Variants in R3HDM2 observed in about 807,000 individuals in gnomAD.
R3HDM2 encodes R3H domain-containing protein 2.
Under a neutral mutation model 124.5 loss-of-function variants are expected in R3HDM2, and 38 were observed. That is an observed-to-expected ratio of 0.31 (90% CI 0.24 to 0.40). The LOEUF (loss-of-function observed/expected upper bound fraction) is 0.40, where lower values mean the gene tolerates loss of function less well. Ranked by LOEUF, R3HDM2 falls within the 10% of genes least tolerant of loss-of-function variation. The pLI is 1.00. For missense variants in R3HDM2, 869 were observed against 1,236.9 expected (o/e 0.70, Z 4.46); for synonymous variants, 391 against 448.0 (o/e 0.87, Z 1.61).
rs114166720 is a variant in R3HDM2 at position 57,321,863 on chromosome 12, G to T, written c.-35-11400C>A. Reference sequence around the variant, plus strand: ...GACTTGACTGGAAAGAGAAAGAAGGGACCCTCCAGGACTGATTGAAATATT... The same window carrying T: ...GACTTGACTGGAAAGAGAAAGAAGGTACCCTCCAGGACTGATTGAAATATT... On this transcript the variant is annotated intron_variant, in intron 2 of 23. Transcript: ENST00000402412. 1.2e-4 allele frequency among the ~76,000 whole-genome samples: 19 copies of T among 152,242 alleles called. No individual in the cohort carries two copies. In the East Asian group the frequency reaches 3.5e-3, roughly 28 times the overall value.
intron 1 of R3HDM2, among the ~76,000 whole-genome samples, chr12:57,412,836 C>CTA (rs1159110442): frequency 1.3e-5 from 2 of 151,714 alleles, no homozygotes; most frequent in African/African-American, 4.8e-5. Context: ...AAACCCCTCT[C>CTA]TACTAAAAAC....
intron 2 of R3HDM2, among the ~76,000 whole-genome samples, chr12:57,384,726 T>C (rs1389081114): frequency 1.3e-5 from 2 of 152,156 alleles, no homozygotes; most frequent in East Asian, 3.8e-4. Flanking sequence ...AAGAAACTCA[T>C]AAAGGACTTT....
intron 2 of R3HDM2, among the ~76,000 whole-genome samples, chr12:57,344,776 G>A (rs1038837353): frequency 2.0e-5 from 3 of 151,940 alleles, no homozygotes; most frequent in Non-Finnish European, 2.9e-5. Context: ...GGTATCAAAT[G>A]TGAACACTGA....
chr12:57,279,924 C>T (rs909597056), intron 14 of R3HDM2, among the ~76,000 whole-genome samples: 6 of 151,984 alleles, frequency 3.9e-5, no homozygotes, highest in East Asian at 1.9e-4. Context: ...TTCTTTTTTC[C>T]GCAAACCCCA....
intron 1 of R3HDM2, among the ~76,000 whole-genome samples, chr12:57,423,306 C>T (rs2070386790): frequency 6.6e-6 from 1 of 151,864 alleles, no homozygotes; most frequent in Admixed American, 6.6e-5. Context: ...CCCCTGTAAT[C>T]CCAGCTACTT....
At chr12:57,256,205 C>T in intron 22 of R3HDM2, 131 bp from the exon 23 acceptor site, 2 of 1,003,008 alleles carry the variant, frequency 2.0e-6, no homozygotes, top group East Asian at 2.5e-5. Context: ...GTCAGGTTGG[C>T]CATGGAGCAG....
At chr12:57,365,092 G>A (rs542908598) in intron 2 of R3HDM2, among the ~76,000 whole-genome samples, 8 of 151,392 alleles carry the variant, frequency 5.3e-5, no homozygotes, top group Middle Eastern at 3.4e-3. Flanking sequence ...GTAAAACCCC[G>A]TCTCTAGTAA....
At chr12:57,323,015 A>T (rs2056704900) in intron 2 of R3HDM2, among the ~76,000 whole-genome samples, 1 of 152,094 alleles carries the variant, frequency 6.6e-6, no homozygotes, top group Non-Finnish European at 1.5e-5. Flanking sequence ...AGATCATCTT[A>T]CTCAATATTC....
intron 3 of R3HDM2, chr12:57,304,668 G>C (rs1051522126): frequency 1.9e-5 from 5 of 265,716 alleles, no homozygotes; most frequent in Non-Finnish European, 2.9e-5. Flanking sequence ...AGCAGTATTT[G>C]TCACTACTTT....
chr12:57,393,007 T>A (rs1363101340), intron 2 of R3HDM2, among the ~76,000 whole-genome samples: 2 of 152,104 alleles, frequency 1.3e-5, no homozygotes, highest in Non-Finnish European at 2.9e-5. Context: ...GGTTTCACCA[T>A]GTTAGCCAGT....
At chr12:57,334,204 A>G (rs2058576685) in intron 2 of R3HDM2, among the ~76,000 whole-genome samples, 1 of 152,200 alleles carries the variant, frequency 6.6e-6, no homozygotes, top group African/African-American at 2.4e-5. Flanking sequence ...TCCTCCCCCA[A>G]TCAAATCACA....
At chr12:57,301,377 A>G (rs2051118300) in intron 4 of R3HDM2, among the ~76,000 whole-genome samples, 1 of 152,212 alleles carries the variant, frequency 6.6e-6, no homozygotes, top group Admixed American at 6.5e-5. Flanking sequence ...AGTAAATACC[A>G]AAGTACAAAA....
chr12:57,293,626 CT>C (rs1282284375), intron 10 of R3HDM2, among the ~76,000 whole-genome samples: 1 of 152,094 alleles, frequency 6.6e-6, no homozygotes, highest in Non-Finnish European at 1.5e-5. Flanking sequence ...CTTATCCATC[CT>C]GCTCTTGAAG....
At chr12:57,292,103 C>G (rs1385201282) in intron 11 of R3HDM2, among the ~76,000 whole-genome samples, 2 of 152,190 alleles carry the variant, frequency 1.3e-5, no homozygotes, top group South Asian at 4.1e-4. Flanking sequence ...GATGCCAGAC[C>G]TGTGCTCTAA....
intron 19 of R3HDM2, 109 bp downstream of exon 19, chr12:57,266,622 C>T (rs2042497311): frequency 2.4e-6 from 2 of 832,312 alleles, no homozygotes; most frequent in African/African-American, 1.7e-5. Flanking sequence ...ACAGTGGGGA[C>T]AGACCCAATA....
chr12:57,376,243 C>G (rs1319843220), intron 2 of R3HDM2, among the ~76,000 whole-genome samples: 1 of 152,242 alleles, frequency 6.6e-6, no homozygotes, highest in African/African-American at 2.4e-5. Flanking sequence ...CTACTCTCAG[C>G]TATGCTCCAG....
chr12:57,357,254 G>T (rs1009975796), intron 2 of R3HDM2, among the ~76,000 whole-genome samples: 1 of 152,004 alleles, frequency 6.6e-6, no homozygotes, highest in African/African-American at 2.4e-5. Context: ...CTGAGGTCAG[G>T]AATTTGAGAC....
At position 57,296,362 on chromosome 12, in the gene R3HDM2, A is replaced by G. The variant is rs1372972044; in HGVS notation, c.701+49T>C. Reference sequence around the variant, plus strand: ...ATCCTACACCTTCCTCTTCCAACCCAGCAGGTTATCCCAGGGAAGTCTTCC... The same window carrying G: ...ATCCTACACCTTCCTCTTCCAACCCGGCAGGTTATCCCAGGGAAGTCTTCC... On this transcript the variant is annotated intron_variant, in intron 9 of 23. Transcript: ENST00000402412. This position sits in a 1 kb window ranked among gnomAD's most constrained non-coding sequence, Gnocchi z 4.5. 9.1e-6 allele frequency: 14 copies of G among 1,544,368 alleles called. No individual in the cohort carries two copies. The East Asian group carries it at 3.4e-4, about 38-fold the overall frequency.
intron 10 of R3HDM2, among the ~76,000 whole-genome samples, chr12:57,294,315 G>A (rs1036318264): frequency 2.1e-4 from 32 of 152,084 alleles, no homozygotes; most frequent in Non-Finnish European, 1.0e-4. Flanking sequence ...TGTGCCTCTA[G>A]GCCTGAATAA....
Sources: gnomAD v4.1 joint callset for allele counts (sites outside exome capture counted in the v4.1 genomes callset) on GRCh38, gnomAD v4.1.1 for gene constraint, Gnocchi (gnomAD v3.1) non-coding constraint, MANE v1.5 for transcripts, NCBI Gene and HGNC (gene_info 2026-07-23, HGNC 2026-07-21) for gene names.